The following GAS7 variants were observed in gnomAD, a reference collection of about 807,000 sequenced individuals.
The protein encoded by GAS7 is growth arrest-specific protein 7.
Under a neutral mutation model 71.1 loss-of-function variants are expected in GAS7, and 28 were observed. That is an observed-to-expected ratio of 0.39 (90% CI 0.29 to 0.54). GAS7 has a LOEUF of 0.54. GAS7 is among the 20% of genes least tolerant of loss of function. The pLI, the probability that GAS7 is intolerant of heterozygous loss-of-function variation, is 0.62. For synonymous variants in GAS7, 258 were observed against 245.8 expected (o/e 1.05, Z -0.46); for missense variants, 436 against 627.8 (o/e 0.69, Z 3.27).
rs1020722995 is a variant in GAS7 at position 10,176,400 on chromosome 17, G to A, written c.183+21808C>T. 4.6e-5 allele frequency among the ~76,000 whole-genome samples: 7 copies of A among 152,236 alleles called. No individual in the cohort carries two copies. In the South Asian group the frequency reaches 1.0e-3, roughly 23 times the overall value. ...TCCCTGCACAGCGTCTCTTAGCACC[G>A]CTTGCATTCATCACCCGTAAACTTC... is the stretch of plus-strand genomic sequence containing the variant. On this transcript the variant is annotated intron_variant, in intron 1 of 13. Transcript: ENST00000432992.
At chr17:9,925,027 T>C (rs1013515586) in intron 11 of GAS7, among the ~76,000 whole-genome samples, 2 of 152,224 alleles carry the variant, frequency 1.3e-5, no homozygotes, top group African/African-American at 4.8e-5. Flanking sequence ...CCCATCCCCA[T>C]AGGTGAACCT....
chr17:9,980,108 C>T (rs1036291559), intron 3 of GAS7, among the ~76,000 whole-genome samples: 1 of 152,028 alleles, frequency 6.6e-6, no homozygotes, highest in South Asian at 2.1e-4. Context: ...TTTTGAAAAC[C>T]TAAAATAATT....
At position 10,156,031 on chromosome 17, in the gene GAS7, G is replaced by T. The variant is rs1016582731; in HGVS notation, c.183+42177C>A. On this transcript the variant is annotated intron_variant, in intron 1 of 13. Transcript: ENST00000432992. ...AACCATGCAACTGACTTCCTTACTT[G>T]TTCCATTGCCCCAGCCTAGAGACGA... 2.6e-5 allele frequency among the ~76,000 whole-genome samples: 4 copies of T among 152,284 alleles called. No homozygotes were observed. The East Asian group carries it at 7.7e-4, about 29-fold the overall frequency.
At chr17:9,920,091 T>C (rs562023171) in intron 11 of GAS7, among the ~76,000 whole-genome samples, 177 of 149,736 alleles carry the variant, frequency 1.2e-3, no homozygotes, top group African/African-American at 4.2e-3. Flanking sequence ...GGCAGTTTTA[T>C]TTTACACTGG....
intron 1 of GAS7, among the ~76,000 whole-genome samples, chr17:10,172,329 T>C (rs1405547734): frequency 1.3e-5 from 2 of 152,200 alleles, no homozygotes; most frequent in Non-Finnish European, 2.9e-5. Context: ...CTCTGCCGCA[T>C]GTCCGGCCCT....
Position 9,969,860 on chromosome 17 carries a change from GCT to G in GAS7, c.386-100_386-99del. The G allele has an allele frequency of 1.3e-6, 1 of 775,718 alleles. No individual in the cohort carries two copies. Among genetic ancestry groups the G allele is most frequent in the East Asian group, 2.5e-5 (1 of 40,146 alleles). The allele number at this position is 775,718 out of a possible 1,614,324, so 48.1% of individuals were successfully genotyped here. On this transcript the variant is annotated intron_variant, in intron 3 of 13. Transcript: ENST00000432992. This position sits in a 1 kb window ranked among gnomAD's most constrained non-coding sequence, Gnocchi z 5.5. The stretch of plus-strand genomic sequence containing the variant: ...GCCCCTTTTCCCACCTCCTTCCTTG[GCT>G]CTGAGAGGTCTTGCGTGGCGAAGAC...
intron 1 of GAS7, among the ~76,000 whole-genome samples, chr17:10,119,831 C>T (rs1407573718): frequency 2.0e-5 from 3 of 152,344 alleles, no homozygotes; most frequent in East Asian, 3.9e-4. Context: ...CCTGGCAGTG[C>T]TGATCCAAGC....
At chr17:10,032,611 C>T (rs1309814196) in intron 1 of GAS7, among the ~76,000 whole-genome samples, 1 of 152,120 alleles carries the variant, frequency 6.6e-6, no homozygotes, top group East Asian at 1.9e-4. Flanking sequence ...TGTAACACAG[C>T]CTAAAACCAC....
chr17:10,187,788 A>G (rs977806966), intron 1 of GAS7, among the ~76,000 whole-genome samples: 2 of 152,172 alleles, frequency 1.3e-5, no homozygotes, highest in Non-Finnish European at 2.9e-5. Context: ...CCGGGCCAGC[A>G]TGTATTCCTT....
At chr17:10,074,008 G>C (rs970226179) in intron 1 of GAS7, among the ~76,000 whole-genome samples, 3 of 152,160 alleles carry the variant, frequency 2.0e-5, no homozygotes, top group African/African-American at 7.2e-5. Context: ...CAGGCGCTGA[G>C]AATATGCAGA....
intron 4 of GAS7, among the ~76,000 whole-genome samples, chr17:9,960,790 A>C (rs756293010): frequency 6.6e-6 from 1 of 152,218 alleles, no homozygotes. Flanking sequence ...ATTAAAGTCA[A>C]CTCAGGAAAA....
At chr17:10,147,342 G>C (rs557998433) in intron 1 of GAS7, among the ~76,000 whole-genome samples, 1 of 152,158 alleles carries the variant, frequency 6.6e-6, no homozygotes, top group Non-Finnish European at 1.5e-5. Flanking sequence ...AGAGGGTGGC[G>C]TGTATGTGTC....
At chr17:10,169,758 G>A (rs1377935704) in intron 1 of GAS7, among the ~76,000 whole-genome samples, 1 of 152,070 alleles carries the variant, frequency 6.6e-6, no homozygotes, top group East Asian at 1.9e-4. Flanking sequence ...CCAGTACAGC[G>A]GCTTGAAGAC....
chr17:9,942,629 T>A (rs909607470), intron 7 of GAS7, among the ~76,000 whole-genome samples: 1 of 152,178 alleles, frequency 6.6e-6, no homozygotes, highest in Non-Finnish European at 1.5e-5. Context: ...AACGATGAAT[T>A]GAACTGTAAC....
chr17:10,025,658 G>A (rs531136904), intron 1 of GAS7, among the ~76,000 whole-genome samples: 83 of 151,588 alleles, frequency 5.5e-4, no homozygotes, highest in African/African-American at 1.8e-3. Flanking sequence ...CCACAGCAGT[G>A]TTTTTCAAAG....
At chr17:10,025,032 A>T (rs1229230791) in intron 1 of GAS7, among the ~76,000 whole-genome samples, 1 of 152,214 alleles carries the variant, frequency 6.6e-6, no homozygotes, top group Non-Finnish European at 1.5e-5. Flanking sequence ...CCCCGCTTTA[A>T]AACAAGGCAT....
At chr17:10,148,298 G>C (rs1342878814) in intron 1 of GAS7, among the ~76,000 whole-genome samples, 2 of 151,982 alleles carry the variant, frequency 1.3e-5, no homozygotes, top group African/African-American at 4.8e-5. Flanking sequence ...ATAACTGTTT[G>C]CTGCTGGTTA....
chr17:10,051,005 CTT>C (rs1458368268), intron 1 of GAS7, among the ~76,000 whole-genome samples: 2 of 152,154 alleles, frequency 1.3e-5, no homozygotes, highest in Admixed American at 6.6e-5. Flanking sequence ...CATCCATGTG[CTT>C]ACCCCTAAAC....
chr17:9,943,223 T>G lies in GAS7; in HGVS notation c.629A>C (p.Asp210Ala). The change falls in exon 7 of 14, where the codon GAC becomes GCC. Residue 210 changes from aspartate (D) to alanine (A), a missense_variant. Coordinates refer to ENST00000432992, the MANE Select transcript of GAS7 (RefSeq NM_201433.2). Reference protein sequence around the residue: ...YCDYFWADKKDPQGNGTVAGF... With the variant: ...YCDYFWADKKAPQGNGTVAGF... ...AGCCACGGTGCCGTTGCCTTGGGGG[T>G]CCTTCTTATCAGCCTACAAAGGAAG... 2 of 1,599,584 alleles carry G rather than the reference T, an allele frequency of 1.3e-6. No individual in the cohort carries two copies. Among genetic ancestry groups the G allele is most frequent in the Non-Finnish European group, 1.7e-6 (2 of 1,166,696 alleles).
Sources: gnomAD v4.1 joint callset for allele counts (sites outside exome capture counted in the v4.1 genomes callset) on GRCh38, gnomAD v4.1.1 for gene constraint, Gnocchi (gnomAD v3.1) non-coding constraint, MANE v1.5 for transcripts, NCBI Gene and HGNC (gene_info 2026-07-23, HGNC 2026-07-21) for gene names.